KLHL2: variants seen among roughly 807,000 people sequenced by gnomAD.
KLHL2 encodes kelch like family member 2.
In KLHL2, 15 loss-of-function variants were observed where a neutral mutation model predicts 75.8. The ratio of observed to expected loss-of-function variants is 0.20; its 90% CI spans 0.13 to 0.30. KLHL2 has a LOEUF of 0.30. Ranked by LOEUF, KLHL2 falls within the 10% of genes least tolerant of loss-of-function variation. The pLI, the probability that KLHL2 is intolerant of heterozygous loss-of-function variation, is 1.00. For missense variants in KLHL2, 381 were observed against 741.0 expected (o/e 0.51, Z 5.64); for synonymous variants, 214 against 251.9 (o/e 0.85, Z 1.42).
Position 165,264,605 on chromosome 4 carries a change from T to TATATATATATACAC in KLHL2, c.544+1247_544+1248insTATATATATACACA, listed in dbSNP as rs757273597. 3.9e-4 allele frequency among the ~76,000 whole-genome samples: 48 copies of TATATATATATACAC among 124,128 alleles called. 1 individual carries two copies. The highest frequency in any genetic ancestry group is 1.4e-3 in the African/African-American group (44 of 32,330). 81.4% of individuals were successfully genotyped at this position (124,128 alleles called of 152,430 possible). A position where few individuals can be genotyped will look rare whatever the true frequency, so the allele number is the denominator to read the frequency against. On this transcript the variant is annotated intron_variant, in intron 5 of 14. Coordinates refer to ENST00000226725, the MANE Select transcript of KLHL2 (RefSeq NM_007246.4). ...TCCATCATATATATATATATATATA[T>TATATATATATACAC]ACACACACACACGTACGTATATACA... is the stretch of plus-strand genomic sequence containing the variant.
intron 4 of KLHL2, among the ~76,000 whole-genome samples, chr4:165,248,817 C>T (rs756895512): frequency 3.9e-5 from 6 of 152,020 alleles, no homozygotes; most frequent in Non-Finnish European, 8.8e-5. Context: ...CAAAAGAATT[C>T]GAAAATTCAG....
chr4:165,293,833 A>G (rs1358365572), intron 5 of KLHL2, among the ~76,000 whole-genome samples: 1 of 151,978 alleles, frequency 6.6e-6, no homozygotes, highest in Non-Finnish European at 1.5e-5. Context: ...CTCTTTTTAA[A>G]AAAATGTTGG....
chr4:165,265,637 T>C (rs1322648674), intron 5 of KLHL2, among the ~76,000 whole-genome samples: 1 of 152,160 alleles, frequency 6.6e-6, no homozygotes, highest in Non-Finnish European at 1.5e-5. Flanking sequence ...TCCATGTCCC[T>C]GCAAAGGACA....
chr4:165,316,683 C>T (rs1259668898), intron 13 of KLHL2, among the ~76,000 whole-genome samples: 1 of 152,094 alleles, frequency 6.6e-6, no homozygotes, highest in Non-Finnish European at 1.5e-5. Context: ...ATTCAAAACA[C>T]TGTTCAGGGG....
intron 10 of KLHL2, among the ~76,000 whole-genome samples, chr4:165,311,032 AT>A (rs1006931258): frequency 4.0e-4 from 61 of 151,278 alleles, no homozygotes; most frequent in Admixed American, 9.2e-4. Flanking sequence ...TTTTTTTTGT[AT>A]TTTTTAGTAG....
chr4:165,272,820 A>G (rs1272063661), intron 5 of KLHL2, among the ~76,000 whole-genome samples: 1 of 152,182 alleles, frequency 6.6e-6, no homozygotes, highest in Non-Finnish European at 1.5e-5. Flanking sequence ...CCAGAATTAG[A>G]ACACTTCTGT....
intron 13 of KLHL2, among the ~76,000 whole-genome samples, chr4:165,314,682 A>C (rs777009875): frequency 3.3e-5 from 5 of 152,164 alleles, no homozygotes; most frequent in Non-Finnish European, 7.4e-5. Context: ...AAAATGGAAA[A>C]ACTAAAGCAA....
chr4:165,218,058 C>T (rs1442152473), intron 1 of KLHL2, among the ~76,000 whole-genome samples: 1 of 152,122 alleles, frequency 6.6e-6, no homozygotes, highest in Non-Finnish European at 1.5e-5. Context: ...ATGTCCAGAA[C>T]CCAGCCAGTT....
At position 165,300,873 on chromosome 4, in the gene KLHL2, C is replaced by A. The variant is rs138728865; in HGVS notation, c.921+1217C>A. The stretch of plus-strand genomic sequence containing the variant: ...CATTGAATTGTTTTTTAAATTCTTT[C>A]ACTTTAATACTTTAATATTTTTCTA... On this transcript the variant is annotated intron_variant, in intron 8 of 14. Coordinates refer to ENST00000226725, the MANE Select transcript of KLHL2 (RefSeq NM_007246.4). Among the ~76,000 whole-genome samples, 548 of 152,168 alleles carry A rather than the reference C, an allele frequency of 3.6e-3. 4 individuals are homozygous for A. The highest frequency in any genetic ancestry group is 0.019 in the South Asian group (93 of 4,828).
rs1746694105 is a variant in KLHL2 at position 165,317,794 on chromosome 4, A to G, written c.1610-32A>G. On this transcript the variant is annotated intron_variant, in intron 13 of 14. Transcript: ENST00000226725. ...TACTCATATTCATCCCAATTTTTTA[A>G]ATAATTGTTTTCTCTCTGTAATTTT... is the stretch of plus-strand genomic sequence containing the variant. 1.9e-6 allele frequency: 3 copies of G among 1,573,874 alleles called. No homozygotes were observed. The Middle Eastern group carries it at 5.1e-4, about 265-fold the overall frequency.
chr4:165,251,606 T>C (rs138049286), intron 4 of KLHL2, among the ~76,000 whole-genome samples: 1 of 139,422 alleles, frequency 7.2e-6, no homozygotes, highest in Non-Finnish European at 1.6e-5. Flanking sequence ...AAAGTGGTTT[T>C]TTTTTTTTGT....
At chr4:165,320,734 A>G (rs1033706580) in intron 14 of KLHL2, among the ~76,000 whole-genome samples, 3 of 152,214 alleles carry the variant, frequency 2.0e-5, no homozygotes, top group African/African-American at 7.2e-5. Context: ...TTCCTGCTGG[A>G]AAAAAACTGT....
chr4:165,233,722 G>A (rs1423291923), intron 3 of KLHL2, among the ~76,000 whole-genome samples: 4 of 152,178 alleles, frequency 2.6e-5, no homozygotes, highest in Admixed American at 6.5e-5. Context: ...TAGTTAGGAA[G>A]AAGAAGAAAG....
chr4:165,296,381 T>G (rs1242768783), intron 6 of KLHL2, among the ~76,000 whole-genome samples: 1 of 152,184 alleles, frequency 6.6e-6, no homozygotes, highest in Non-Finnish European at 1.5e-5. Context: ...TACATGACAT[T>G]TGGCTTCCTT....
At chr4:165,238,748 T>C (rs899843891) in intron 3 of KLHL2, 30 bp from the exon 4 acceptor site, 1 of 1,612,014 alleles carries the variant, frequency 6.2e-7, no homozygotes, top group African/African-American at 1.3e-5. Flanking sequence ...TGTCTTGCTG[T>C]AACATCACTC....
At chr4:165,274,673 G>A (rs189722302) in intron 5 of KLHL2, among the ~76,000 whole-genome samples, 323 of 151,938 alleles carry the variant, frequency 2.1e-3, no homozygotes, top group African/African-American at 7.4e-3. Context: ...GATTCTGGAC[G>A]TAAGAACTGC....
chr4:165,273,439 A>T (rs1259742450), intron 5 of KLHL2, among the ~76,000 whole-genome samples: 1 of 152,206 alleles, frequency 6.6e-6, no homozygotes, highest in Non-Finnish European at 1.5e-5. Flanking sequence ...ACTATAAAAC[A>T]GTTTGATATG....
intron 9 of KLHL2, among the ~76,000 whole-genome samples, chr4:165,308,552 T>G (rs1303759778): frequency 1.3e-5 from 2 of 152,206 alleles, no homozygotes; most frequent in Non-Finnish European, 2.9e-5. Context: ...GTTCAGTCCC[T>G]TCTCCAGACC....
chr4:165,235,015 A>T (rs1281604520), intron 3 of KLHL2, among the ~76,000 whole-genome samples: 1 of 152,058 alleles, frequency 6.6e-6, no homozygotes, highest in Non-Finnish European at 1.5e-5. Context: ...AAAGGTAGAG[A>T]TGATGTGGTA....
Sources: gnomAD v4.1 joint callset for allele counts (sites outside exome capture counted in the v4.1 genomes callset) on GRCh38, gnomAD v4.1.1 for gene constraint, MANE v1.5 for transcripts, NCBI Gene and HGNC (gene_info 2026-07-23, HGNC 2026-07-21) for gene names.